The following TEK variants were observed in gnomAD, a reference collection of about 807,000 sequenced individuals.
TEK encodes the protein angiopoietin-1 receptor.
In TEK, 43 loss-of-function variants were observed where a neutral mutation model predicts 131.8. The observed-to-expected ratio is 0.33, with a 90% confidence interval of 0.26 to 0.42. The LOEUF (loss-of-function observed/expected upper bound fraction) is 0.42, where lower values mean the gene tolerates loss of function less well. Among genes scored for constraint, TEK ranks in the 10% least tolerant of loss-of-function variants. TEK has a pLI of 1.00. For synonymous variants in TEK, 580 were observed against 491.6 expected (o/e 1.18, Z -2.38); for missense variants, 1,162 against 1,384.4 (o/e 0.84, Z 2.55).
At chr9:27,210,884 C>T (rs867081599) in intron 16 of TEK, among the ~76,000 whole-genome samples, 29 of 151,996 alleles carry the variant, frequency 1.9e-4, no homozygotes, top group East Asian at 7.7e-4. Flanking sequence ...TTTGGGAGGC[C>T]GAGGCAGGCA....
At chr9:27,212,579 C>T (rs1254834352) in intron 16 of TEK, 128 bp from the exon 17 acceptor site, 4 of 958,262 alleles carry the variant, frequency 4.2e-6, no homozygotes, top group African/African-American at 1.6e-5. Flanking sequence ...CCAGTGCTCC[C>T]TGGGTGGTGT....
At chr9:27,147,107 T>A (rs989440225) in intron 1 of TEK, among the ~76,000 whole-genome samples, 1 of 152,176 alleles carries the variant, frequency 6.6e-6, no homozygotes, top group Non-Finnish European at 1.5e-5. Context: ...GATACGTAAG[T>A]GTATGTTTAA....
chr9:27,144,274 C>G (rs534901138), intron 1 of TEK, among the ~76,000 whole-genome samples: 2 of 151,938 alleles, frequency 1.3e-5, no homozygotes, highest in Non-Finnish European at 2.9e-5. Context: ...GAGCAAGACT[C>G]CGTCTCAAAA....
intron 2 of TEK, among the ~76,000 whole-genome samples, chr9:27,167,196 A>C (rs80088989): frequency 0.03 from 4,570 of 152,260 alleles, 106 homozygotes; most frequent in Admixed American, 0.049. Context: ...AGCTTGACAC[A>C]GTAACAGAAA....
At chr9:27,177,412 G>T (rs1277732817) in intron 6 of TEK, among the ~76,000 whole-genome samples, 2 of 152,178 alleles carry the variant, frequency 1.3e-5, no homozygotes, top group South Asian at 2.1e-4. Flanking sequence ...GATCAGTGAG[G>T]TTGAGTATTT....
At chr9:27,199,898 G>C (rs1392834798) in intron 12 of TEK, among the ~76,000 whole-genome samples, 1 of 152,088 alleles carries the variant, frequency 6.6e-6, no homozygotes, top group Non-Finnish European at 1.5e-5. Flanking sequence ...TTGCCTGTGT[G>C]ATTTATACTT....
chr9:27,173,751 T>A (rs909327324), intron 6 of TEK, among the ~76,000 whole-genome samples: 2 of 146,498 alleles, frequency 1.4e-5, no homozygotes, highest in African/African-American at 2.5e-5. Flanking sequence ...TTTTTTTTTT[T>A]TTTTTTCAGT....
At position 27,229,529 on chromosome 9, in the gene TEK, A is replaced by C; in HGVS notation, c.*297A>C. On this transcript the variant is annotated 3_prime_UTR_variant, in exon 23 of 23. Coordinates refer to ENST00000380036, the MANE Select transcript of TEK (RefSeq NM_000459.5). Reference sequence around the variant, plus strand: ...GACTTCATAGGAAGGCGTGAGTACAATTAGTATAATGCATAACTCATTGTT... The same window carrying C: ...GACTTCATAGGAAGGCGTGAGTACACTTAGTATAATGCATAACTCATTGTT... The C allele has an allele frequency of 2.3e-6, 1 of 430,886 alleles. No individual in the cohort carries two copies. The allele number at this position is 430,886 out of a possible 1,614,324, so 26.7% of individuals were successfully genotyped here. A position where few individuals can be genotyped will look rare whatever the true frequency, so the allele number is the denominator to read the frequency against.
At chr9:27,185,344 A>G (rs1263357854) in intron 8 of TEK, 141 bp from the exon 9 acceptor site, 97 of 1,067,902 alleles carry the variant, frequency 9.1e-5, no homozygotes, top group Non-Finnish European at 1.3e-4. Context: ...AAATAAGCCA[A>G]TAATTATATT....
intron 11 of TEK, among the ~76,000 whole-genome samples, chr9:27,196,285 C>G (rs1825005308): frequency 6.6e-6 from 1 of 152,092 alleles, no homozygotes; most frequent in Non-Finnish European, 1.5e-5. Context: ...CACTGAATGG[C>G]TATATCATAA....
chr9:27,209,595 T>G (rs149187671), intron 16 of TEK, among the ~76,000 whole-genome samples: 1 of 152,318 alleles, frequency 6.6e-6, no homozygotes, highest in East Asian at 1.9e-4. Flanking sequence ...ACATTTTTCC[T>G]GGAAACCCAG....
At chr9:27,213,121 T>G (rs1484708366) in intron 17 of TEK, among the ~76,000 whole-genome samples, 1 of 152,146 alleles carries the variant, frequency 6.6e-6, no homozygotes, top group African/African-American at 2.4e-5. Flanking sequence ...ATAATTTTCT[T>G]CTATCTAATT....
At chr9:27,221,504 G>A (rs1041267008) in intron 21 of TEK, among the ~76,000 whole-genome samples, 14 of 152,192 alleles carry the variant, frequency 9.2e-5, no homozygotes, top group Admixed American at 5.9e-4. Flanking sequence ...AGTAGGGGTC[G>A]ACAGGACATC....
At chr9:27,209,328 C>A in intron 16 of TEK, 97 bp downstream of exon 16, 1 of 937,652 alleles carries the variant, frequency 1.1e-6, no homozygotes, top group Non-Finnish European at 1.7e-6. Flanking sequence ...AAGAATGTTG[C>A]CTATTTTTTT....
intron 1 of TEK, among the ~76,000 whole-genome samples, chr9:27,126,794 A>T (rs554934966): frequency 2.2e-4 from 34 of 152,108 alleles, no homozygotes; most frequent in Non-Finnish European, 4.4e-4. Context: ...GATTACCCAG[A>T]TTGGGGCCAG....
At chr9:27,177,772 A>G (rs1824224020) in intron 6 of TEK, among the ~76,000 whole-genome samples, 1 of 152,136 alleles carries the variant, frequency 6.6e-6, no homozygotes, top group Non-Finnish European at 1.5e-5. Context: ...AAGAAAAAAA[A>G]AGATGTCTAT....
At chr9:27,213,448 T>TA in intron 17 of TEK, 36 bp from the exon 18 acceptor site, 1 of 1,526,798 alleles carries the variant, frequency 6.5e-7, no homozygotes, top group South Asian at 1.1e-5. Flanking sequence ...GGGCTTTCAT[T>TA]AGGCTGAAAA....
rs142859503 is a variant in TEK at position 27,210,037 on chromosome 9, C to T, written c.2686+806C>T. Among the ~76,000 whole-genome samples the T allele has an allele frequency of 2.6e-3, 401 of 152,284 alleles. 1 individual carries two copies. The highest frequency in any genetic ancestry group is 9.5e-3 in the African/African-American group (393 of 41,552). On this transcript the variant is annotated intron_variant, in intron 16 of 22. Coordinates refer to ENST00000380036, the MANE Select transcript of TEK (RefSeq NM_000459.5). ...TGACAGCCTCTTGTTGACTTTGCAG[C>T]ACAAACACCAACAATAGAAAAGAGA...
rs530489916 is a variant in TEK, at chr9:27,158,816, C to T, written c.364+674C>T. Among the ~76,000 whole-genome samples the T allele has an allele frequency of 4.2e-4, 64 of 152,162 alleles. 1 individual carries two copies. The South Asian group carries it at 0.012, about 29-fold the overall frequency. On this transcript the variant is annotated intron_variant, in intron 2 of 22. Transcript: ENST00000380036. ...CTGGGATTACAGGCAAGCACCACCA[C>T]ACCCAGCTAATTTTTTATATTTTTA...
Sources: allele counts gnomAD v4.1 joint callset (sites outside exome capture counted in the v4.1 genomes callset), GRCh38; gene constraint gnomAD v4.1.1; transcripts MANE v1.5; gene names NCBI Gene and HGNC (gene_info 2026-07-23, HGNC 2026-07-21).